The following SHISA9 variants were observed in gnomAD, a reference collection of about 807,000 sequenced individuals.
SHISA9 encodes shisa family member 9.
A neutral mutation model predicts 38.0 loss-of-function variants in SHISA9; 13 were observed. That is an observed-to-expected ratio of 0.34 (90% CI 0.22 to 0.54). SHISA9 has a LOEUF of 0.54. Among genes scored for constraint, SHISA9 ranks in the 20% least tolerant of loss-of-function variants. The pLI is 0.91. For synonymous variants in SHISA9, 275 were observed against 242.0 expected, an observed-to-expected ratio of 1.14 and a Z score of -1.27; for missense variants, 538 against 575.8, an observed-to-expected ratio of 0.93 and a Z score of 0.67.
the SHISA9 span, among the ~76,000 whole-genome samples, chr16:13,260,453 G>A: frequency 1.6e-4 from 25 of 152,104 alleles, no homozygotes; most frequent in South Asian, 4.1e-4. Flanking sequence ...TTTCTTCCCT[G>A]AGATACCCAA....
intron 2 of SHISA9, among the ~76,000 whole-genome samples, chr16:13,092,219 A>G (rs371876661): frequency 1.2e-4 from 18 of 152,148 alleles, no homozygotes; most frequent in African/African-American, 4.3e-4. Flanking sequence ...GCAGCCACCT[A>G]TATGAGGTGT....
At chr16:12,964,983 T>C (rs533510839) in intron 2 of SHISA9, among the ~76,000 whole-genome samples, 50 of 152,310 alleles carry the variant, frequency 3.3e-4, no homozygotes, top group African/African-American at 1.2e-3. Flanking sequence ...GCTGATTCAT[T>C]AGTTTATCCT....
the SHISA9 span, among the ~76,000 whole-genome samples, chr16:13,268,658 C>T: frequency 6.6e-6 from 1 of 152,166 alleles, no homozygotes; most frequent in South Asian, 2.1e-4. Context: ...TCAATGTGAG[C>T]GTATTTTCCT....
the SHISA9 span, among the ~76,000 whole-genome samples, chr16:13,295,839 T>C: frequency 6.6e-6 from 1 of 152,060 alleles, no homozygotes; most frequent in Non-Finnish European, 1.5e-5. Flanking sequence ...AAGAGAAAAT[T>C]TGAAAATTCA....
chr16:12,912,574 G>T (rs1046871579), intron 1 of SHISA9, among the ~76,000 whole-genome samples: 2 of 152,154 alleles, frequency 1.3e-5, no homozygotes, highest in African/African-American at 4.8e-5. Context: ...AGCATGAAGA[G>T]CCTGTTTACA....
At chr16:13,283,375 C>T in the SHISA9 span, among the ~76,000 whole-genome samples, 8 of 152,184 alleles carry the variant, frequency 5.3e-5, no homozygotes, top group Non-Finnish European at 1.0e-4. Context: ...TCTGTTCTCA[C>T]ACTGCTAATA....
intron 2 of SHISA9, among the ~76,000 whole-genome samples, chr16:13,038,863 A>C (rs939999046): frequency 1.3e-5 from 2 of 152,196 alleles, no homozygotes; most frequent in Non-Finnish European, 2.9e-5. Context: ...TATTTGTTGA[A>C]TGACTCAGTA....
the SHISA9 span, chr16:13,458,665 G>A: frequency 3.2e-6 from 1 of 310,768 alleles, no homozygotes; most frequent in Non-Finnish European, 6.3e-6. Context: ...AGCAGAAGAG[G>A]CAGAATAACC....
intron 1 of SHISA9, among the ~76,000 whole-genome samples, chr16:12,916,111 C>A (rs370938586): frequency 2.7e-5 from 4 of 147,978 alleles, no homozygotes; most frequent in African/African-American, 9.9e-5. Context: ...CAAAAATACT[C>A]AGGCTCAAAT....
the SHISA9 span, among the ~76,000 whole-genome samples, chr16:13,545,857 G>A: frequency 6.6e-6 from 1 of 152,116 alleles, no homozygotes; most frequent in Admixed American, 6.6e-5. Context: ...TCATTCAATG[G>A]GCCACAATGA....
intron 3 of SHISA9, among the ~76,000 whole-genome samples, chr16:13,212,505 C>A (rs917128975): frequency 2.0e-5 from 3 of 152,102 alleles, no homozygotes; most frequent in South Asian, 2.1e-4. Flanking sequence ...GAATTCAATT[C>A]GGATAAACTG....
At chr16:12,908,341 G>T (rs2071131593) in intron 1 of SHISA9, 5 of 1,369,052 alleles carry the variant, frequency 3.7e-6, no homozygotes, top group Non-Finnish European at 3.9e-6. Flanking sequence ...AGGAGGGAGG[G>T]TCTATATGTG....
chr16:13,185,759 G>T (rs944059386), intron 2 of SHISA9, among the ~76,000 whole-genome samples: 15 of 152,150 alleles, frequency 9.9e-5, no homozygotes, highest in African/African-American at 2.7e-4. Context: ...TGGACACATG[G>T]TGATTATTTG....
intron 2 of SHISA9, among the ~76,000 whole-genome samples, chr16:12,920,631 A>G (rs780056771): frequency 1.4e-4 from 21 of 152,204 alleles, no homozygotes; most frequent in Non-Finnish European, 2.6e-4. Flanking sequence ...TACACCTACT[A>G]TGTACCAGCA....
chr16:13,215,542 A>G (rs117928327), intron 4 of SHISA9, among the ~76,000 whole-genome samples: 2,957 of 152,288 alleles, frequency 0.019, 47 homozygotes, highest in Non-Finnish European at 0.03. Flanking sequence ...TGTGAAAAAC[A>G]AAGCCGTTAT....
intron 2 of SHISA9, among the ~76,000 whole-genome samples, chr16:12,950,955 C>T (rs868323117): frequency 8.1e-5 from 12 of 148,874 alleles, no homozygotes; most frequent in African/African-American, 3.0e-4. Context: ...AAAAGTTGAA[C>T]TCACACCTGT....
intron 2 of SHISA9, among the ~76,000 whole-genome samples, chr16:13,062,310 A>G (rs1160994908): frequency 6.6e-6 from 1 of 152,312 alleles, no homozygotes; most frequent in East Asian, 1.9e-4. Context: ...CACTGGGAAG[A>G]CAGCAGAGGT....
At position 13,003,492 on chromosome 16, in the gene SHISA9, G is replaced by A. The variant is rs76753254; in HGVS notation, c.691+86677G>A. On this transcript the variant is annotated intron_variant, in intron 2 of 4. Coordinates refer to ENST00000558583, the MANE Select transcript of SHISA9 (RefSeq NM_001145204.3). ...TGTGCAAAAACTCAACCTGTTCAGCGGGCATGAAAAGTCCCATTATAGGGC... is the reference window on the plus strand; with the variant it reads ...TGTGCAAAAACTCAACCTGTTCAGCAGGCATGAAAAGTCCCATTATAGGGC... 5.1e-3 allele frequency among the ~76,000 whole-genome samples: 775 copies of A among 152,256 alleles called. 7 individuals are homozygous for A. Among genetic ancestry groups the A allele is most frequent in the African/African-American group, 0.018 (741 of 41,552 alleles).
the SHISA9 span, among the ~76,000 whole-genome samples, chr16:13,355,179 A>C: frequency 6.7e-6 from 1 of 149,836 alleles, no homozygotes; most frequent in Non-Finnish European, 1.5e-5. Context: ...CTAACTTGTA[A>C]GGCTTGTCTG....
Sources: allele counts gnomAD v4.1 joint callset (sites outside exome capture counted in the v4.1 genomes callset), GRCh38; gene constraint gnomAD v4.1.1; transcripts MANE v1.5; gene names NCBI Gene and HGNC (gene_info 2026-07-23, HGNC 2026-07-21).